CAP2: variants seen among roughly 807,000 people sequenced by gnomAD.
CAP2 encodes adenylyl cyclase-associated protein 2.
In CAP2, 24 loss-of-function variants were observed where a neutral mutation model predicts 57.7. That is an observed-to-expected ratio of 0.42 (90% CI 0.30 to 0.58). The LOEUF (loss-of-function observed/expected upper bound fraction) is 0.58. CAP2 is among the 20% of genes least tolerant of loss of function. CAP2 has a pLI of 0.22. For missense variants in CAP2, 501 were observed against 590.3 expected, an observed-to-expected ratio of 0.85 and a Z score of 1.57; for synonymous variants, 194 against 207.2, an observed-to-expected ratio of 0.94 and a Z score of 0.55.
rs950074274 is a variant in CAP2, at chr6:17,516,582, C to T, written c.636+2628C>T. Among the ~76,000 whole-genome samples, 14 of 152,144 alleles carry T rather than the reference C, an allele frequency of 9.2e-5. No individual in the cohort carries two copies. In the East Asian group the frequency reaches 1.7e-3, roughly 19 times the overall value. On this transcript the variant is annotated intron_variant, in intron 7 of 12. Transcript: ENST00000229922. ...TAAAGAACTTACTCGTGTAACCAAA[C>T]GCCATCTCTTCACCAAAAACATATG...
intron 11 of CAP2, among the ~76,000 whole-genome samples, 193 bp from the exon 12 acceptor site, chr6:17,551,271 T>G (rs1018152867): frequency 1.3e-5 from 2 of 152,202 alleles, no homozygotes; most frequent in Non-Finnish European, 2.9e-5. Flanking sequence ...CTTTTCATTC[T>G]GTCCCTGAGT....
chr6:17,400,462 T>A (rs1758781309), intron 1 of CAP2, among the ~76,000 whole-genome samples: 1 of 152,186 alleles, frequency 6.6e-6, no homozygotes, highest in Non-Finnish European at 1.5e-5. Context: ...GAAGATAGAA[T>A]GAATAGAAGA....
At chr6:17,503,375 G>A (rs1162989678) in intron 4 of CAP2, among the ~76,000 whole-genome samples, 6 of 152,016 alleles carry the variant, frequency 3.9e-5, no homozygotes, top group Admixed American at 6.6e-5. Flanking sequence ...TTGGGAGGCC[G>A]AGGCGGGCAG....
intron 1 of CAP2, among the ~76,000 whole-genome samples, chr6:17,421,117 C>T (rs1036136049): frequency 1.3e-5 from 2 of 152,150 alleles, no homozygotes; most frequent in East Asian, 3.8e-4. Flanking sequence ...CCATGTTATT[C>T]TAAGTGAAGT....
chr6:17,449,957 G>C (rs938249654), intron 3 of CAP2, among the ~76,000 whole-genome samples: 4 of 152,036 alleles, frequency 2.6e-5, no homozygotes, highest in African/African-American at 9.7e-5. Context: ...GACATTGATT[G>C]TTTAAAAATA....
At chr6:17,507,524 G>A (rs1309422793) in intron 5 of CAP2, 117 bp from the exon 6 acceptor site, 1 of 796,874 alleles carries the variant, frequency 1.3e-6, no homozygotes, top group Non-Finnish European at 2.1e-6. Context: ...AGAGCAACAT[G>A]TGCCTCCCAC....
chr6:17,482,968 G>A (rs910670453), intron 4 of CAP2, among the ~76,000 whole-genome samples: 8 of 152,230 alleles, frequency 5.3e-5, no homozygotes, highest in African/African-American at 1.9e-4. Context: ...TGGGCCAGTT[G>A]TTTAGCGTGT....
At chr6:17,419,514 G>A (rs1357336743) in intron 1 of CAP2, among the ~76,000 whole-genome samples, 1 of 152,182 alleles carries the variant, frequency 6.6e-6, no homozygotes, top group East Asian at 1.9e-4. Context: ...TAGATCTCAG[G>A]AACCTGAACA....
chr6:17,400,158 G>A (rs993653063), intron 1 of CAP2, among the ~76,000 whole-genome samples: 8 of 152,086 alleles, frequency 5.3e-5, no homozygotes, highest in Admixed American at 2.0e-4. Context: ...CCCGGGAGGC[G>A]GAGGTTGCAG....
At chr6:17,414,504 A>G (rs986175609) in intron 1 of CAP2, among the ~76,000 whole-genome samples, 3 of 151,866 alleles carry the variant, frequency 2.0e-5, no homozygotes, top group African/African-American at 7.3e-5. Flanking sequence ...AACATGGGGT[A>G]TTTGGTTTTC....
chr6:17,459,564 A>G (rs1046923583), intron 3 of CAP2, among the ~76,000 whole-genome samples: 2 of 152,238 alleles, frequency 1.3e-5, no homozygotes, highest in Admixed American at 6.5e-5. Flanking sequence ...GAACAGAAAC[A>G]GGTTCCTCAA....
At chr6:17,412,219 G>C (rs1759157454) in intron 1 of CAP2, among the ~76,000 whole-genome samples, 1 of 152,116 alleles carries the variant, frequency 6.6e-6, no homozygotes, top group Non-Finnish European at 1.5e-5. Flanking sequence ...CAGTGCCATG[G>C]ACAGCTGGCC....
chr6:17,411,652 T>G (rs1759143757), intron 1 of CAP2, among the ~76,000 whole-genome samples: 1 of 152,210 alleles, frequency 6.6e-6, no homozygotes, highest in Non-Finnish European at 1.5e-5. Flanking sequence ...GCCTTCTTAT[T>G]GAGTGTAAAA....
chr6:17,452,827 A>G (rs947586610), intron 3 of CAP2, among the ~76,000 whole-genome samples: 1 of 152,134 alleles, frequency 6.6e-6, no homozygotes, highest in Admixed American at 6.6e-5. Context: ...ATAAGTATTT[A>G]TCACACTCAC....
intron 3 of CAP2, among the ~76,000 whole-genome samples, chr6:17,457,681 C>A (rs1022604092): frequency 2.9e-4 from 44 of 152,216 alleles, no homozygotes; most frequent in Non-Finnish European, 1.9e-4. Context: ...TCCACCCCAA[C>A]CTCAACTTCT....
intron 1 of CAP2, among the ~76,000 whole-genome samples, chr6:17,421,347 A>G (rs1759440143): frequency 6.6e-6 from 1 of 152,180 alleles, no homozygotes; most frequent in Non-Finnish European, 1.5e-5. Context: ...GAACTTATCC[A>G]TGTAACCAAA....
At chr6:17,431,617 G>T (rs930533421) in intron 3 of CAP2, among the ~76,000 whole-genome samples, 17 of 152,164 alleles carry the variant, frequency 1.1e-4, no homozygotes, top group African/African-American at 3.9e-4. Flanking sequence ...ATGCTGTTCA[G>T]TTAATGAGTT....
At chr6:17,413,464 G>A (rs558684505) in intron 1 of CAP2, among the ~76,000 whole-genome samples, 2 of 152,274 alleles carry the variant, frequency 1.3e-5, no homozygotes, top group East Asian at 3.9e-4. Context: ...ACTGAGCAGG[G>A]TTTGCTTTCA....
At chr6:17,439,776 G>A (rs1038871916) in intron 3 of CAP2, among the ~76,000 whole-genome samples, 1 of 151,394 alleles carries the variant, frequency 6.6e-6, no homozygotes, top group Non-Finnish European at 1.5e-5. Flanking sequence ...AGCTCGGGCG[G>A]TAATGCAAGC....
Sources: gnomAD v4.1 joint callset for allele counts (sites outside exome capture counted in the v4.1 genomes callset) on GRCh38, gnomAD v4.1.1 for gene constraint, MANE v1.5 for transcripts, NCBI Gene and HGNC (gene_info 2026-07-23, HGNC 2026-07-21) for gene names.